The following PDS5B variants were observed in gnomAD, a reference collection of about 807,000 sequenced individuals.
The protein encoded by PDS5B is sister chromatid cohesion protein PDS5 homolog B.
In PDS5B, 51 loss-of-function variants were observed where a neutral mutation model predicts 184.1. The observed-to-expected ratio is 0.28, with a 90% CI of 0.22 to 0.35. The LOEUF is 0.35. Ranked by LOEUF, PDS5B falls within the 10% of genes least tolerant of loss-of-function variation. The pLI is 1.00. For missense variants in PDS5B, 1,180 were observed against 1,723.3 expected (o/e 0.68, Z 5.58); for synonymous variants, 566 against 569.2 (o/e 0.99, Z 0.08).
At chr13:32,691,034 G>T (rs965645996) in intron 13 of PDS5B, 1 of 151,838 alleles carries the variant, frequency 6.6e-6, no homozygotes, top group Non-Finnish European at 1.5e-5. Context: ...AAGAAATCAC[G>T]TATATATGTT....
At chr13:32,761,214 A>G (rs1310310808) in intron 30 of PDS5B, among the ~76,000 whole-genome samples, 1 of 152,208 alleles carries the variant, frequency 6.6e-6, no homozygotes, top group Non-Finnish European at 1.5e-5. Flanking sequence ...CAAAATCTTA[A>G]CAGTATTTAT....
At chr13:32,652,726 T>G (rs1034037059) in intron 3 of PDS5B, 3 of 150,732 alleles carry the variant, frequency 2.0e-5, no homozygotes, top group Non-Finnish European at 4.4e-5. Flanking sequence ...ACCACTGCAT[T>G]CCAGCCTGGG....
chr13:32,727,460 CT>C (rs925857775), intron 19 of PDS5B, among the ~76,000 whole-genome samples: 1 of 151,942 alleles, frequency 6.6e-6, no homozygotes, highest in Non-Finnish European at 1.5e-5. Flanking sequence ...TGGAAGAACT[CT>C]TTTTAATATT....
At chr13:32,590,975 A>T (rs906685553) in intron 1 of PDS5B, among the ~76,000 whole-genome samples, 2 of 151,952 alleles carry the variant, frequency 1.3e-5, no homozygotes, top group Non-Finnish European at 2.9e-5. Context: ...AAAAAAAAAA[A>T]AATTTAATGA....
intron 7 of PDS5B, 55 bp from the exon 8 acceptor site, chr13:32,673,161 A>G (rs983782553): frequency 3.4e-5 from 51 of 1,481,020 alleles, no homozygotes; most frequent in Middle Eastern, 3.4e-4. Flanking sequence ...ATTTTAAAAC[A>G]TTCAACTTGT....
At position 32,710,999 on chromosome 13, in the gene PDS5B, T is replaced by C. The variant is rs180735064; in HGVS notation, c.2123+893T>C. ...CATTATTATTATTTTCTTTTTTTCT[T>C]TTTTTTTTTGAGATGGAGCCTCACT... On this transcript the variant is annotated intron_variant, in intron 19 of 34. Transcript: ENST00000315596. Among the ~76,000 whole-genome samples the C allele has an allele frequency of 5.3e-3, 787 of 148,380 alleles. 18 individuals carry two copies. The highest frequency in any genetic ancestry group is 0.048 in the Admixed American group (720 of 15,042).
rs746478298 is a variant in PDS5B, at chr13:32,699,839, A to G, written c.1710A>G (p.Thr570=). The G allele has an allele frequency of 1.9e-5, 30 of 1,575,296 alleles. No homozygotes were observed. The highest frequency in any genetic ancestry group is 2.5e-5 in the Non-Finnish European group (29 of 1,165,100). Residue 570 remains threonine (T), a synonymous_variant, in exon 16 of 35, where the codon ACA becomes ACG. Coordinates refer to ENST00000315596, the MANE Select transcript of PDS5B (RefSeq NM_015032.4). ...AGTTAGAAGTACTTGTTAGTCCAAC[A>G]TGCTCCTGCAAGCAGGCTGAAGGTT... ...RKQLEVLVSP[T]CSCKQAEGCV... is the part of the protein sequence containing the mutation.
intron 19 of PDS5B, among the ~76,000 whole-genome samples, chr13:32,721,333 G>C (rs930464396): frequency 3.3e-5 from 5 of 151,482 alleles, no homozygotes; most frequent in Admixed American, 3.3e-4. Context: ...CAGACGGGGC[G>C]GCTGCCGGGC....
chr13:32,646,284 G>A (rs1220170155), intron 1 of PDS5B, among the ~76,000 whole-genome samples: 1 of 151,316 alleles, frequency 6.6e-6, no homozygotes, highest in African/African-American at 2.4e-5. Flanking sequence ...TGGGATTACA[G>A]ATGTGAACCA....
chr13:32,625,637 T>G (rs1349143725), intron 1 of PDS5B, among the ~76,000 whole-genome samples: 1 of 152,124 alleles, frequency 6.6e-6, no homozygotes, highest in Non-Finnish European at 1.5e-5. Context: ...TTGAAATAAT[T>G]TCTTAGGCTA....
chr13:32,669,894 A>G (rs189475534), intron 7 of PDS5B, among the ~76,000 whole-genome samples: 1 of 152,132 alleles, frequency 6.6e-6, no homozygotes, highest in East Asian at 1.9e-4. Context: ...TCCATTTCAG[A>G]CCTTTATAAT....
Position 32,770,399 on chromosome 13 carries a change from A to G in PDS5B, c.3903A>G (p.Thr1301=). The change falls in exon 32 of 35, where the codon ACA becomes ACG. Residue 1301 remains threonine (T), a synonymous_variant. Transcript: ENST00000315596. ...GRPPKPLGGG[T]PKEEPTMKTS... is the part of the protein sequence containing the mutation. The stretch of plus-strand genomic sequence containing the variant: ...CACCAAAACCTCTTGGTGGAGGTAC[A>G]CCAAAAGAAGAGCCAACAATGAAAA... 1 of 1,613,610 alleles carries G rather than the reference A, an allele frequency of 6.2e-7. No individual in the cohort carries two copies. The highest frequency in any genetic ancestry group is 8.5e-7 in the Non-Finnish European group (1 of 1,179,946).
intron 19 of PDS5B, among the ~76,000 whole-genome samples, chr13:32,719,792 C>CT (rs397686930): frequency 3.6e-4 from 52 of 143,036 alleles, no homozygotes; most frequent in South Asian, 9.5e-4. Flanking sequence ...ACCCCCCCCC[C>CT]TTTTTTTTTT....
chr13:32,679,841 C>T (rs1951182601), intron 10 of PDS5B, among the ~76,000 whole-genome samples: 1 of 151,298 alleles, frequency 6.6e-6, no homozygotes, highest in Admixed American at 6.6e-5. Flanking sequence ...TCTCCCCTTC[C>T]ATCCTCCTCC....
intron 1 of PDS5B, among the ~76,000 whole-genome samples, chr13:32,627,877 G>A (rs538637282): frequency 1.3e-5 from 2 of 152,264 alleles, no homozygotes; most frequent in South Asian, 4.1e-4. Flanking sequence ...AGAAGGGAGA[G>A]AAAGAGAAGT....
chr13:32,718,311 C>T (rs556027252), intron 19 of PDS5B, among the ~76,000 whole-genome samples: 12 of 152,038 alleles, frequency 7.9e-5, no homozygotes, highest in South Asian at 2.1e-4. Flanking sequence ...CCACCATGCC[C>T]GGCTAATTTT....
intron 6 of PDS5B, among the ~76,000 whole-genome samples, chr13:32,663,598 T>TA (rs1950708502): frequency 6.6e-6 from 1 of 152,230 alleles, no homozygotes; most frequent in Non-Finnish European, 1.5e-5. Context: ...ATATGTATGA[T>TA]ACAGTATTTA....
At chr13:32,701,546 T>C (rs1670200697) in intron 17 of PDS5B, 108 bp downstream of exon 17, 1 of 644,004 alleles carries the variant, frequency 1.6e-6, no homozygotes, top group African/African-American at 1.8e-5. Flanking sequence ...TCTGTGTGTA[T>C]TGTGTACTCC....
chr13:32,635,743 G>T (rs1441606624), intron 1 of PDS5B, among the ~76,000 whole-genome samples: 2 of 147,776 alleles, frequency 1.4e-5, no homozygotes, highest in East Asian at 4.0e-4. Flanking sequence ...TGTTCAGTTT[G>T]CTCCGATTTT....
Sources: allele counts gnomAD v4.1 joint callset (sites outside exome capture counted in the v4.1 genomes callset), GRCh38; gene constraint gnomAD v4.1.1; transcripts MANE v1.5; gene names NCBI Gene and HGNC (gene_info 2026-07-23, HGNC 2026-07-21).